Variants in GPC6 observed in about 807,000 individuals in gnomAD.
The protein encoded by GPC6 is glypican-6.
GPC6 carries 14 observed loss-of-function variants against 55.2 expected under a neutral mutation model. The observed-to-expected ratio is 0.25, with a 90% confidence interval of 0.17 to 0.40. The LOEUF (loss-of-function observed/expected upper bound fraction) is 0.40. GPC6 is among the 10% of genes least tolerant of loss of function. The pLI, the probability that GPC6 is intolerant of heterozygous loss-of-function variation, is 1.00. For synonymous variants in GPC6, 278 were observed against 259.6 expected, an observed-to-expected ratio of 1.07 and a Z score of -0.68; for missense variants, 641 against 708.5, an observed-to-expected ratio of 0.90 and a Z score of 1.08.
chr13:93,874,889 A>C (rs138386315), intron 3 of GPC6, among the ~76,000 whole-genome samples: 328 of 152,038 alleles, frequency 2.2e-3, no homozygotes, highest in African/African-American at 7.4e-3. Context: ...CCATTATCTA[A>C]AATCATCACA....
At chr13:94,221,336 T>C (rs1406241144) in intron 4 of GPC6, among the ~76,000 whole-genome samples, 1 of 152,122 alleles carries the variant, frequency 6.6e-6, no homozygotes, top group South Asian at 2.1e-4. Flanking sequence ...GTCAGTCTTC[T>C]AATGGAGCTA....
intron 2 of GPC6, among the ~76,000 whole-genome samples, chr13:93,677,749 C>T (rs1881691900): frequency 6.6e-6 from 1 of 152,094 alleles, no homozygotes; most frequent in Non-Finnish European, 1.5e-5. Flanking sequence ...GGGTAAAATA[C>T]TACCCAGGTT....
intron 4 of GPC6, among the ~76,000 whole-genome samples, chr13:94,256,470 A>T (rs1378798333): frequency 6.6e-6 from 1 of 152,310 alleles, no homozygotes; most frequent in Middle Eastern, 3.4e-3. Context: ...GAACAGACCA[A>T]GAGCAAGGAG....
intron 3 of GPC6, among the ~76,000 whole-genome samples, chr13:93,938,279 A>G (rs1878543703): frequency 6.6e-6 from 1 of 152,220 alleles, no homozygotes; most frequent in Admixed American, 6.5e-5. Flanking sequence ...ACTCTAGTCC[A>G]TAAATAATGT....
intron 1 of GPC6, among the ~76,000 whole-genome samples, chr13:93,342,617 G>A (rs2139152893): frequency 6.6e-6 from 1 of 152,256 alleles, no homozygotes; most frequent in East Asian, 1.9e-4. Context: ...CTTACCAATA[G>A]GAGTTATTGG....
chr13:93,904,085 C>A (rs186199393), intron 3 of GPC6, among the ~76,000 whole-genome samples: 15 of 152,172 alleles, frequency 9.9e-5, no homozygotes, highest in Admixed American at 2.0e-4. Context: ...ACAGCTGTTA[C>A]AGGATGAGGT....
intron 1 of GPC6, among the ~76,000 whole-genome samples, chr13:93,246,789 C>CAAAAAAA (rs767827311): frequency 4.9e-5 from 2 of 40,848 alleles, no homozygotes; most frequent in African/African-American, 1.0e-4. Context: ...AAGACTGTCT[C>CAAAAAAA]AAAAAAAAAA....
At chr13:93,429,886 G>C (rs1877290950) in intron 1 of GPC6, among the ~76,000 whole-genome samples, 1 of 152,000 alleles carries the variant, frequency 6.6e-6, no homozygotes, top group African/African-American at 2.4e-5. Context: ...GGGAATTCCA[G>C]GTTACCTATG....
At chr13:93,780,337 A>G (rs1037642500) in intron 2 of GPC6, among the ~76,000 whole-genome samples, 2 of 152,046 alleles carry the variant, frequency 1.3e-5, no homozygotes, top group Non-Finnish European at 2.9e-5. Flanking sequence ...ATAGTCAATT[A>G]TGTCCCACCA....
chr13:93,561,820 C>T (rs1456456107), intron 2 of GPC6, among the ~76,000 whole-genome samples: 1 of 152,154 alleles, frequency 6.6e-6, no homozygotes, highest in Non-Finnish European at 1.5e-5. Context: ...CCTGAGCAGA[C>T]ATTTTAAAAA....
intron 2 of GPC6, among the ~76,000 whole-genome samples, chr13:93,762,884 T>C (rs528515677): frequency 6.6e-6 from 1 of 152,268 alleles, no homozygotes; most frequent in East Asian, 1.9e-4. Context: ...CGTAGGTAAT[T>C]ATAGTAGATT....
chr13:93,592,416 A>AAT (rs1045481461), intron 2 of GPC6, among the ~76,000 whole-genome samples: 11 of 147,266 alleles, frequency 7.5e-5, no homozygotes, highest in East Asian at 3.9e-4. Context: ...TAAATATATA[A>AAT]ATATATATAT....
chr13:93,936,415 ACATACACATCTATATG>A (rs916469654), intron 3 of GPC6, among the ~76,000 whole-genome samples: 13 of 152,224 alleles, frequency 8.5e-5, no homozygotes, highest in Admixed American at 3.3e-4. Flanking sequence ...GTGTGTATAA[ACATACACATCTATATG>A]CATACACATC....
At chr13:93,628,444 C>T (rs1414129880) in intron 2 of GPC6, among the ~76,000 whole-genome samples, 3 of 152,200 alleles carry the variant, frequency 2.0e-5, no homozygotes, top group African/African-American at 7.2e-5. Flanking sequence ...TGCCAACATG[C>T]ACCCTTTCGA....
chr13:93,978,565 A>G (rs983649484), intron 3 of GPC6, among the ~76,000 whole-genome samples: 3 of 152,188 alleles, frequency 2.0e-5, no homozygotes, highest in African/African-American at 7.2e-5. Flanking sequence ...CATATTATAC[A>G]CATGCATACA....
At chr13:93,741,176 T>G (rs1184598228) in intron 2 of GPC6, among the ~76,000 whole-genome samples, 2 of 134,666 alleles carry the variant, frequency 1.5e-5, no homozygotes, top group African/African-American at 5.5e-5. Flanking sequence ...CAGGTTGGAG[T>G]GCATCTGGGC....
chr13:94,024,903 C>T (rs916381680), intron 3 of GPC6, among the ~76,000 whole-genome samples: 1 of 151,938 alleles, frequency 6.6e-6, no homozygotes, highest in Non-Finnish European at 1.5e-5. Flanking sequence ...TGGGGAAGCA[C>T]AATAGAGCAT....
chr13:93,573,913 G>A (rs1008662387), intron 2 of GPC6, among the ~76,000 whole-genome samples: 1 of 152,120 alleles, frequency 6.6e-6, no homozygotes, highest in African/African-American at 2.4e-5. Flanking sequence ...ATTGTCTTTA[G>A]GAGATCGTAA....
rs536625813 is a variant in GPC6 at position 94,406,250 on chromosome 13, A to C, written c.*3033A>C. Reference sequence around the variant, plus strand: ...ACAGAAATACACGTCTGTAATTGGTATATATTATACTTTGTATGTGTCACA... The same window carrying C: ...ACAGAAATACACGTCTGTAATTGGTCTATATTATACTTTGTATGTGTCACA... On this transcript the variant is annotated 3_prime_UTR_variant, in exon 9 of 9. Coordinates refer to ENST00000377047, the MANE Select transcript of GPC6 (RefSeq NM_005708.5). 1 of 152,290 alleles carries C rather than the reference A, an allele frequency of 6.6e-6. No homozygotes were observed. Among genetic ancestry groups the C allele is most frequent in the Non-Finnish European group, 1.5e-5 (1 of 67,984 alleles). 9.4% of individuals were successfully genotyped at this position (152,290 alleles called of 1,614,324 possible).
Sources: allele counts gnomAD v4.1 joint callset (sites outside exome capture counted in the v4.1 genomes callset), GRCh38; gene constraint gnomAD v4.1.1; transcripts MANE v1.5; gene names NCBI Gene and HGNC (gene_info 2026-07-23, HGNC 2026-07-21).